Variants in MCTP1 observed in about 807,000 individuals in gnomAD.
The protein encoded by MCTP1 is multiple C2 and transmembrane domain containing 1.
MCTP1 carries 69 observed loss-of-function variants against 120.6 expected under a neutral mutation model. That is an observed-to-expected ratio of 0.57 (90% CI 0.47 to 0.70). The LOEUF (loss-of-function observed/expected upper bound fraction) is 0.70. MCTP1 is among the 30% of genes least tolerant of loss of function. The probability of loss-of-function intolerance (pLI) is 0.00; values close to 1 mark genes in which losing one functional copy is unlikely to be tolerated. For synonymous variants in MCTP1, 529 were observed against 493.1 expected (o/e 1.07, Z -0.96); for missense variants, 1,203 against 1,248.8 (o/e 0.96, Z 0.55).
chr5:94,989,749 A>C (rs184608695), intron 2 of MCTP1, among the ~76,000 whole-genome samples: 1 of 152,124 alleles, frequency 6.6e-6, no homozygotes, highest in African/African-American at 2.4e-5. Flanking sequence ...CCTCTGGGGA[A>C]GGGTGAGGGG....
At chr5:95,119,915 G>A (rs1032589644) in intron 1 of MCTP1, among the ~76,000 whole-genome samples, 2 of 152,056 alleles carry the variant, frequency 1.3e-5, no homozygotes, top group Non-Finnish European at 2.9e-5. Flanking sequence ...GCTCACGTCT[G>A]TAATCCCAGC....
intron 1 of MCTP1, among the ~76,000 whole-genome samples, chr5:95,257,796 TACAC>T (rs369408591): frequency 1.6e-5 from 2 of 125,362 alleles, no homozygotes; most frequent in African/African-American, 3.2e-5. Context: ...CCAGAAAACA[TACAC>T]ACACACACAC....
chr5:94,854,882 C>A (rs141692392), intron 17 of MCTP1, among the ~76,000 whole-genome samples: 2 of 151,704 alleles, frequency 1.3e-5, no homozygotes, highest in Non-Finnish European at 2.9e-5. Flanking sequence ...CAACATAGTC[C>A]GACTAGGTCT....
At chr5:94,800,157 G>A (rs762263284) in intron 17 of MCTP1, among the ~76,000 whole-genome samples, 1 of 152,186 alleles carries the variant, frequency 6.6e-6, no homozygotes, top group Non-Finnish European at 1.5e-5. Context: ...TAAACACAAT[G>A]CTTGGTGTGC....
intron 2 of MCTP1, among the ~76,000 whole-genome samples, chr5:94,960,697 T>C (rs1034196634): frequency 2.6e-5 from 4 of 151,886 alleles, no homozygotes; most frequent in Non-Finnish European, 4.4e-5. Flanking sequence ...TAGAGAAATG[T>C]AATACAAATT....
intron 1 of MCTP1, among the ~76,000 whole-genome samples, chr5:95,250,878 A>G (rs1040115113): frequency 2.6e-5 from 4 of 152,174 alleles, no homozygotes; most frequent in African/African-American, 9.7e-5. Context: ...CTCAGTATGT[A>G]GTATATGAGC....
chr5:94,976,072 A>C (rs1361503363), intron 2 of MCTP1, among the ~76,000 whole-genome samples: 1 of 151,940 alleles, frequency 6.6e-6, no homozygotes, highest in Non-Finnish European at 1.5e-5. Flanking sequence ...TTTATGTCCC[A>C]CTCCCTTATT....
chr5:95,164,032 T>A (rs1746045433), intron 1 of MCTP1, among the ~76,000 whole-genome samples: 1 of 152,200 alleles, frequency 6.6e-6, no homozygotes, highest in South Asian at 2.1e-4. Context: ...GTATCTATGA[T>A]TTATTACTTC....
At chr5:94,836,815 A>T (rs748428872) in intron 17 of MCTP1, among the ~76,000 whole-genome samples, 9 of 152,240 alleles carry the variant, frequency 5.9e-5, no homozygotes, top group Non-Finnish European at 1.0e-4. Flanking sequence ...CCTGCTCTGC[A>T]GTTTAAAAAT....
chr5:95,186,544 T>C (rs573682132), intron 1 of MCTP1, among the ~76,000 whole-genome samples: 1 of 152,296 alleles, frequency 6.6e-6, no homozygotes, highest in East Asian at 1.9e-4. Context: ...GAGATATACC[T>C]TGTTCATGGA....
chr5:95,034,929 T>C (rs1840978488), intron 1 of MCTP1, among the ~76,000 whole-genome samples: 4 of 152,046 alleles, frequency 2.6e-5, no homozygotes, highest in Non-Finnish European at 4.4e-5. Context: ...CAGATACTTC[T>C]CAAAGGAAGA....
intron 1 of MCTP1, among the ~76,000 whole-genome samples, chr5:95,150,249 G>A (rs56053465): frequency 1.2e-4 from 18 of 152,316 alleles, no homozygotes; most frequent in African/African-American, 4.3e-4. Flanking sequence ...TGGGTGGAAT[G>A]TTATAAGCAT....
At chr5:94,963,227 C>G (rs1457482727) in intron 2 of MCTP1, among the ~76,000 whole-genome samples, 1 of 152,028 alleles carries the variant, frequency 6.6e-6, no homozygotes, top group Admixed American at 6.6e-5. Context: ...TAGATTGCTT[C>G]CATATCTTGG....
At chr5:94,921,757 C>T (rs1282229247) in intron 7 of MCTP1, among the ~76,000 whole-genome samples, 1 of 152,196 alleles carries the variant, frequency 6.6e-6, no homozygotes, top group Non-Finnish European at 1.5e-5. Flanking sequence ...TCAGACACAG[C>T]AATCTCATGG....
At chr5:94,931,848 G>T in intron 6 of MCTP1, 105 bp downstream of exon 6, 1 of 858,710 alleles carries the variant, frequency 1.2e-6, no homozygotes, top group Non-Finnish European at 1.9e-6. Flanking sequence ...CAATTGAATA[G>T]TATGAAATCT....
At chr5:94,851,424 G>A (rs987894462) in intron 17 of MCTP1, among the ~76,000 whole-genome samples, 18 of 152,036 alleles carry the variant, frequency 1.2e-4, no homozygotes, top group African/African-American at 4.1e-4. Context: ...TGTTAGAGAT[G>A]CTAAATCACA....
At chr5:94,983,554 C>G (rs1050950109) in intron 2 of MCTP1, among the ~76,000 whole-genome samples, 4 of 152,080 alleles carry the variant, frequency 2.6e-5, no homozygotes, top group African/African-American at 9.7e-5. Flanking sequence ...GCCTGTAATC[C>G]TAACACTTTG....
chr5:95,220,460 C>A (rs992900035), intron 1 of MCTP1, among the ~76,000 whole-genome samples: 2 of 151,800 alleles, frequency 1.3e-5, no homozygotes, highest in Non-Finnish European at 2.9e-5. Flanking sequence ...CTTAATAATT[C>A]ATTTTACCTG....
chr5:95,017,345 G>T, intron 2 of MCTP1, 22 bp downstream of exon 2: 1 of 1,452,908 alleles, frequency 6.9e-7, no homozygotes, highest in South Asian at 1.2e-5. Context: ...GCTTCTAGGT[G>T]ATATTGCTCT....
Sources: allele counts gnomAD v4.1 joint callset (sites outside exome capture counted in the v4.1 genomes callset), GRCh38; gene constraint gnomAD v4.1.1; transcripts MANE v1.5; gene names NCBI Gene and HGNC (gene_info 2026-07-23, HGNC 2026-07-21).